TRAPPC12: variants seen among roughly 807,000 people sequenced by gnomAD.
TRAPPC12 encodes trafficking protein particle complex subunit 12.
Under a neutral mutation model 69.2 loss-of-function variants are expected in TRAPPC12, and 61 were observed. The ratio of observed to expected loss-of-function variants is 0.88; its 90% CI spans 0.72 to 1.09. The LOEUF (loss-of-function observed/expected upper bound fraction) is 1.09, where lower values mean the gene tolerates loss of function less well. Among genes scored for constraint, TRAPPC12 ranks in the 50% least tolerant of loss-of-function variants. TRAPPC12 has a pLI of 0.00. For synonymous variants in TRAPPC12, 469 were observed against 438.9 expected (o/e 1.07, Z -0.86); for missense variants, 1,101 against 1,016.4 (o/e 1.08, Z -1.13).
In TRAPPC12 at chr2:3,383,871, G is replaced by GTTTTTTTTTTTTTTTTTTT. The variant is rs34956958; in HGVS notation, c.-4-3726_-4-3708dup. Among the ~76,000 whole-genome samples the GTTTTTTTTTTTTTTTTTTT allele has an allele frequency of 3.4e-4, 29 of 85,594 alleles. 6 individuals are homozygous for GTTTTTTTTTTTTTTTTTTT. The highest frequency in any genetic ancestry group is 6.3e-4 in the Non-Finnish European group (27 of 42,904). The allele number at this position is 85,594 out of a possible 152,430, so 56.2% of individuals were successfully genotyped here. On this transcript the variant is annotated intron_variant, in intron 1 of 11. Coordinates refer to ENST00000324266, the MANE Select transcript of TRAPPC12 (RefSeq NM_016030.6). ...TATTCCCTTGTGATAGTTCAGTCTT[G>GTTTTTTTTTTTTTTTTTTT]TTTTTTTTTTTTTTTTTTTTTTTTT...
intron 2 of TRAPPC12, among the ~76,000 whole-genome samples, chr2:3,392,784 A>G (rs1009636974): frequency 1.3e-5 from 2 of 152,214 alleles, no homozygotes; most frequent in Non-Finnish European, 1.5e-5. Flanking sequence ...GTGCCCGAAA[A>G]AGTTAAAAAT....
intron 3 of TRAPPC12, among the ~76,000 whole-genome samples, chr2:3,411,282 C>T (rs1017109703): frequency 6.6e-6 from 1 of 152,184 alleles, no homozygotes; most frequent in Non-Finnish European, 1.5e-5. Flanking sequence ...GTTCTAGGTA[C>T]AGAGACTGAG....
At chr2:3,422,391 C>T (rs566310311) in intron 4 of TRAPPC12, among the ~76,000 whole-genome samples, 1 of 152,210 alleles carries the variant, frequency 6.6e-6, no homozygotes, top group African/African-American at 2.4e-5. Context: ...GTGCCATTTG[C>T]TCCTCGTGGT....
chr2:3,457,597 C>T, intron 6 of TRAPPC12, 24 bp from the exon 7 acceptor site: 2 of 1,608,526 alleles, frequency 1.2e-6, no homozygotes, highest in Non-Finnish European at 1.7e-6. Context: ...ATGATTTTGT[C>T]CTTCTCATTT....
At chr2:3,434,629 G>T (rs961947003) in intron 5 of TRAPPC12, among the ~76,000 whole-genome samples, 1 of 152,222 alleles carries the variant, frequency 6.6e-6, no homozygotes, top group African/African-American at 2.4e-5. Context: ...CGTCTACCTG[G>T]GAGAGCCCAG....
chr2:3,438,647 T>C (rs1664025331), intron 5 of TRAPPC12, among the ~76,000 whole-genome samples: 1 of 150,744 alleles, frequency 6.6e-6, no homozygotes, highest in Non-Finnish European at 1.5e-5. Context: ...ATTGTCTCCA[T>C]AGTTTCCCCT....
intron 3 of TRAPPC12, among the ~76,000 whole-genome samples, chr2:3,409,449 T>C (rs1022588183): frequency 9.9e-5 from 15 of 152,160 alleles, no homozygotes; most frequent in Non-Finnish European, 2.9e-5. Flanking sequence ...TAAATGATTA[T>C]ACAAAGAAAA....
intron 6 of TRAPPC12, among the ~76,000 whole-genome samples, chr2:3,448,111 T>TA (rs1369045301): frequency 6.6e-6 from 1 of 152,276 alleles, no homozygotes; most frequent in Admixed American, 6.5e-5. Flanking sequence ...GATTACCCCC[T>TA]ACTAATGCCC....
At chr2:3,476,163 CTT>C (rs895211574) in intron 9 of TRAPPC12, among the ~76,000 whole-genome samples, 12 of 152,154 alleles carry the variant, frequency 7.9e-5, no homozygotes, top group South Asian at 4.1e-4. Context: ...TGTGTTTTCT[CTT>C]GTTTCATTCT....
chr2:3,408,635 A>T (rs971177150), intron 3 of TRAPPC12, among the ~76,000 whole-genome samples: 10 of 152,246 alleles, frequency 6.6e-5, no homozygotes, highest in African/African-American at 2.2e-4. Context: ...CTCAAAAAAA[A>T]TTTAAAAAAA....
At chr2:3,450,413 G>A (rs1021658790) in intron 6 of TRAPPC12, among the ~76,000 whole-genome samples, 18 of 152,250 alleles carry the variant, frequency 1.2e-4, no homozygotes, top group Non-Finnish European at 1.5e-4. Flanking sequence ...GTGGTTGTGA[G>A]AGTGGCTTTG....
chr2:3,429,124 C>T (rs1407363140), intron 5 of TRAPPC12, among the ~76,000 whole-genome samples: 5 of 152,164 alleles, frequency 3.3e-5, no homozygotes. Flanking sequence ...TGAAAGCTCA[C>T]ATTTGTGTTT....
At chr2:3,424,768 C>T (rs1469096891) in intron 5 of TRAPPC12, 105 bp downstream of exon 5, 4 of 1,290,586 alleles carry the variant, frequency 3.1e-6, no homozygotes, top group East Asian at 5.0e-5. Flanking sequence ...TTTATCCAGT[C>T]TTGAAAAATC....
rs543819743 is a variant in TRAPPC12 at position 3,404,091 on chromosome 2, C to T, written c.1164+2198C>T. On this transcript the variant is annotated intron_variant, in intron 3 of 11. Coordinates refer to ENST00000324266, the MANE Select transcript of TRAPPC12 (RefSeq NM_016030.6). ...AGTATGGATTGGGGACTGCCTGCTA[C>T]GCTGACCGGGCCACCTGGAACCCCT... is the stretch of plus-strand genomic sequence containing the variant. Among the ~76,000 whole-genome samples, 43 of 152,306 alleles carry T rather than the reference C, an allele frequency of 2.8e-4. 1 individual carries two copies. The South Asian group carries it at 7.0e-3, about 25-fold the overall frequency.
At chr2:3,389,592 C>G (rs1410285087) in intron 2 of TRAPPC12, 2 of 455,430 alleles carry the variant, frequency 4.4e-6, no homozygotes, top group African/African-American at 2.0e-5. Context: ...TGCTGCCGGA[C>G]TAACGGGCAT....
At chr2:3,452,820 C>A (rs1664923380) in intron 6 of TRAPPC12, among the ~76,000 whole-genome samples, 1 of 152,238 alleles carries the variant, frequency 6.6e-6, no homozygotes, top group African/African-American at 2.4e-5. Flanking sequence ...AGAGAAACCA[C>A]AGGGAAAATC....
At chr2:3,475,283 T>C (rs1445900905) in intron 9 of TRAPPC12, among the ~76,000 whole-genome samples, 1 of 151,878 alleles carries the variant, frequency 6.6e-6, no homozygotes, top group Non-Finnish European at 1.5e-5. Context: ...CTAATTTTCT[T>C]TTCTTTTTTA....
Position 3,465,598 on chromosome 2 carries a change from A to G in TRAPPC12, c.1679A>G (p.Asp560Gly), listed in dbSNP as rs1305077803. 1 of 1,612,734 alleles carries G rather than the reference A, an allele frequency of 6.2e-7. No homozygotes were observed. Among genetic ancestry groups the G allele is most frequent in the East Asian group, 2.2e-5 (1 of 44,890 alleles). ...TACGTTGGGTTTTTCTTCCCACAGG[A>G]TTATGTGCTGGCCGTGGAGGCGTAT... ...SMANCLLLMKDYVLAVEAYHS... is the reference protein window; with the variant it reads ...SMANCLLLMKGYVLAVEAYHS... Residue 560 changes from aspartate (D) to glycine (G), a missense_variant and splice_region_variant, in exon 9 of 12, where the codon GAT (aspartate) becomes GGT (glycine). Transcript: ENST00000324266.
intron 3 of TRAPPC12, among the ~76,000 whole-genome samples, chr2:3,420,318 A>G (rs538271260): frequency 1.3e-4 from 20 of 152,354 alleles, no homozygotes; most frequent in Admixed American, 3.3e-4. Flanking sequence ...CTGAAGCTCA[A>G]GGCCCAGCAC....
Sources: gnomAD v4.1 joint callset for allele counts (sites outside exome capture counted in the v4.1 genomes callset) on GRCh38, gnomAD v4.1.1 for gene constraint, MANE v1.5 for transcripts, NCBI Gene and HGNC (gene_info 2026-07-23, HGNC 2026-07-21) for gene names.